CCSER1: variants seen among roughly 807,000 people sequenced by gnomAD.
CCSER1 encodes the protein serine-rich coiled-coil domain-containing protein 1.
CCSER1 carries 41 observed loss-of-function variants against 82.0 expected under a neutral mutation model. The observed-to-expected ratio is 0.50, with a 90% confidence interval of 0.39 to 0.65. The LOEUF is 0.65. Ranked by LOEUF, CCSER1 falls within the 30% of genes least tolerant of loss-of-function variation. CCSER1 has a pLI of 0.00. For missense variants in CCSER1, 1,119 were observed against 1,064.2 expected (o/e 1.05, Z -0.72); for synonymous variants, 414 against 383.9 (o/e 1.08, Z -0.92).
intron 10 of CCSER1, among the ~76,000 whole-genome samples, chr4:91,523,740 T>A (rs1044889840): frequency 6.6e-6 from 1 of 152,208 alleles, no homozygotes; most frequent in Non-Finnish European, 1.5e-5. Flanking sequence ...TTATTTTTAT[T>A]GCGTCCATTT....
At chr4:91,583,660 CATG>C (rs1398513480) in intron 10 of CCSER1, among the ~76,000 whole-genome samples, 1 of 151,470 alleles carries the variant, frequency 6.6e-6, no homozygotes, top group Non-Finnish European at 1.5e-5. Flanking sequence ...TTTGGTTTTT[CATG>C]ATGTCTTGCC....
At chr4:90,864,759 A>G (rs1292895085) in intron 8 of CCSER1, among the ~76,000 whole-genome samples, 3 of 152,056 alleles carry the variant, frequency 2.0e-5, no homozygotes, top group Non-Finnish European at 4.4e-5. Flanking sequence ...TGATGTTCCC[A>G]GCAATCTAGG....
rs531345348 is a variant in CCSER1, at chr4:91,080,648, A to T, written c.2173-5302A>T. The stretch of plus-strand genomic sequence containing the variant: ...CTGGAGCTGGTTTTCTGAAAAGATC[A>T]ACAAAATTGATAGACCACTAGCAAG... On this transcript the variant is annotated intron_variant, in intron 9 of 10. Coordinates refer to ENST00000509176, the MANE Select transcript of CCSER1 (RefSeq NM_001145065.2). Among the ~76,000 whole-genome samples the T allele has an allele frequency of 5.2e-4, 79 of 152,292 alleles. 1 individual carries two copies. In the South Asian group the frequency reaches 0.016, roughly 30 times the overall value.
intron 9 of CCSER1, among the ~76,000 whole-genome samples, chr4:91,022,306 T>C (rs931205232): frequency 2.6e-5 from 4 of 152,066 alleles, no homozygotes; most frequent in African/African-American, 7.2e-5. Context: ...TCCAGCTTCA[T>C]CCATGTCCCT....
At chr4:91,421,620 G>A (rs1753687398) in intron 10 of CCSER1, among the ~76,000 whole-genome samples, 2 of 152,038 alleles carry the variant, frequency 1.3e-5, no homozygotes, top group Non-Finnish European at 2.9e-5. Context: ...CCACCTGTCT[G>A]TATATCTTGT....
intron 5 of CCSER1, among the ~76,000 whole-genome samples, chr4:90,481,646 G>A (rs1016983450): frequency 2.8e-4 from 42 of 152,250 alleles, no homozygotes; most frequent in Middle Eastern, 3.4e-3. Context: ...TTTTGTCATT[G>A]GTTCTGTTTA....
intron 10 of CCSER1, among the ~76,000 whole-genome samples, chr4:91,500,842 T>C (rs1759171594): frequency 6.6e-6 from 1 of 152,036 alleles, no homozygotes; most frequent in Non-Finnish European, 1.5e-5. Flanking sequence ...TGGTGATTTC[T>C]AAGATTTGAA....
chr4:90,976,505 A>C (rs1390587867), intron 9 of CCSER1, among the ~76,000 whole-genome samples: 1 of 151,290 alleles, frequency 6.6e-6, no homozygotes, highest in Non-Finnish European at 1.5e-5. Flanking sequence ...AGATTAAAAA[A>C]AATAGTCACA....
At chr4:91,245,090 C>G (rs1415703051) in intron 10 of CCSER1, among the ~76,000 whole-genome samples, 2 of 151,734 alleles carry the variant, frequency 1.3e-5, no homozygotes, top group Non-Finnish European at 2.9e-5. Flanking sequence ...AATACATGGT[C>G]AGAGGAGGCA....
intron 6 of CCSER1, among the ~76,000 whole-genome samples, chr4:90,693,790 G>C (rs976177968): frequency 6.6e-6 from 1 of 151,400 alleles, no homozygotes; most frequent in Non-Finnish European, 1.5e-5. Flanking sequence ...CTGAAGTTAG[G>C]CTATCAAAGA....
intron 8 of CCSER1, among the ~76,000 whole-genome samples, chr4:90,922,684 A>G (rs1255834890): frequency 6.6e-6 from 1 of 152,162 alleles, no homozygotes; most frequent in Non-Finnish European, 1.5e-5. Flanking sequence ...TGTGAGAGGC[A>G]TTTAGTAAAT....
intron 10 of CCSER1, among the ~76,000 whole-genome samples, chr4:91,437,690 A>T (rs1159437124): frequency 6.6e-6 from 1 of 152,232 alleles, no homozygotes; most frequent in African/African-American, 2.4e-5. Context: ...TGCCTCACTC[A>T]GGAAGCGCAA....
intron 9 of CCSER1, among the ~76,000 whole-genome samples, chr4:90,926,634 C>T (rs1729096989): frequency 6.6e-6 from 1 of 151,852 alleles, no homozygotes; most frequent in African/African-American, 2.4e-5. Context: ...ACAATGTGCT[C>T]TGACTTCTAA....
At chr4:91,503,124 C>T (rs1325598825) in intron 10 of CCSER1, among the ~76,000 whole-genome samples, 3 of 151,824 alleles carry the variant, frequency 2.0e-5, no homozygotes, top group South Asian at 2.1e-4. Context: ...GGGCGGATCA[C>T]GAGGTCAGGA....
intron 10 of CCSER1, among the ~76,000 whole-genome samples, chr4:91,097,833 A>G (rs1724657466): frequency 6.6e-6 from 1 of 152,208 alleles, no homozygotes; most frequent in Admixed American, 6.5e-5. Context: ...ATTAAAATAG[A>G]TGATTTATGA....
chr4:91,440,314 C>T (rs1755029975), intron 10 of CCSER1, among the ~76,000 whole-genome samples: 1 of 152,134 alleles, frequency 6.6e-6, no homozygotes, highest in African/African-American at 2.4e-5. Context: ...AAGAAACTCA[C>T]TCAAAACCGC....
In CCSER1 at chr4:90,225,665, A is replaced by G. The variant is rs146631178; in HGVS notation, c.-41-82579A>G. Among the ~76,000 whole-genome samples, 196 of 152,184 alleles carry G rather than the reference A, an allele frequency of 1.3e-3. 2 individuals carry two copies. The Middle Eastern group carries it at 0.017, about 13-fold the overall frequency. ...AGCTATACAGTTAGGTTATTGCTGG[A>G]TTTGTCTCTCCTGCTTTTGGTATAG... On this transcript the variant is annotated intron_variant, in intron 1 of 10. Coordinates refer to ENST00000509176, the MANE Select transcript of CCSER1 (RefSeq NM_001145065.2).
chr4:90,523,270 A>G (rs1773356845), intron 5 of CCSER1, among the ~76,000 whole-genome samples: 1 of 152,192 alleles, frequency 6.6e-6, no homozygotes. Flanking sequence ...GATGATGGAC[A>G]TAGCTGGAAA....
chr4:90,459,306 G>T (rs116203524), intron 4 of CCSER1, among the ~76,000 whole-genome samples: 1 of 152,322 alleles, frequency 6.6e-6, no homozygotes, highest in East Asian at 1.9e-4. Context: ...GATAGGAGTA[G>T]TAGCAATGTA....
Sources: gnomAD v4.1 joint callset for allele counts (sites outside exome capture counted in the v4.1 genomes callset) on GRCh38, gnomAD v4.1.1 for gene constraint, MANE v1.5 for transcripts, NCBI Gene and HGNC (gene_info 2026-07-23, HGNC 2026-07-21) for gene names.